Variants in SNX6 observed in about 807,000 individuals in gnomAD.
SNX6 encodes sorting nexin-6.
In SNX6, 34 loss-of-function variants were observed where a neutral mutation model predicts 63.0. The ratio of observed to expected loss-of-function variants is 0.54; its 90% confidence interval spans 0.41 to 0.72. SNX6 has a LOEUF of 0.72. Ranked by LOEUF, SNX6 falls within the 30% of genes least tolerant of loss-of-function variation. SNX6 has a pLI of 0.00. For synonymous variants in SNX6, 170 were observed against 164.2 expected (o/e 1.04, Z -0.27); for missense variants, 398 against 471.4 (o/e 0.84, Z 1.44).
chr14:34,609,805 T>A, intron 2 of SNX6, 63 bp from the exon 3 acceptor site: 1 of 1,158,926 alleles, frequency 8.6e-7, no homozygotes, highest in Non-Finnish European at 1.3e-6. Context: ...TTTTTTCTCT[T>A]AAGACAATGC....
At chr14:34,563,932 T>C (rs1302675328) in intron 13 of SNX6, among the ~76,000 whole-genome samples, 1 of 152,078 alleles carries the variant, frequency 6.6e-6, no homozygotes. Flanking sequence ...AGAGACGGGG[T>C]TTTGCCATGT....
intron 2 of SNX6, among the ~76,000 whole-genome samples, chr14:34,625,711 C>CAACA (rs1211463465): frequency 1.3e-5 from 2 of 151,900 alleles, no homozygotes; most frequent in African/African-American, 4.8e-5. Flanking sequence ...CCAGCGTGGG[C>CAACA]AACAGAGCGA....
intron 2 of SNX6, among the ~76,000 whole-genome samples, chr14:34,612,238 G>T (rs1057404492): frequency 6.6e-6 from 1 of 152,130 alleles, no homozygotes; most frequent in African/African-American, 2.4e-5. Context: ...ACTGAGCCAG[G>T]CCAGGCCACT....
chr14:34,629,408 T>G (rs771743525), intron 2 of SNX6: 1 of 450,132 alleles, frequency 2.2e-6, no homozygotes. Flanking sequence ...TGGACAGGAG[T>G]TGATTCGGCT....
At chr14:34,578,204 AAAAC>A (rs570920447) in intron 10 of SNX6, among the ~76,000 whole-genome samples, 145 of 152,224 alleles carry the variant, frequency 9.5e-4, no homozygotes, top group African/African-American at 3.2e-3. Context: ...ACTCTGTCTC[AAAAC>A]AAACAAACAA....
At chr14:34,623,537 T>C (rs904890469) in intron 2 of SNX6, among the ~76,000 whole-genome samples, 1 of 152,156 alleles carries the variant, frequency 6.6e-6, no homozygotes, top group African/African-American at 2.4e-5. Flanking sequence ...AATTGGAAAG[T>C]AGAAAGACTA....
intron 2 of SNX6, among the ~76,000 whole-genome samples, chr14:34,614,701 T>C (rs1883354726): frequency 6.6e-6 from 1 of 152,150 alleles, no homozygotes. Context: ...GAGGATCGCT[T>C]GAGCCCAGGA....
chr14:34,581,564 T>C lies in SNX6; in HGVS notation c.831A>G (p.Thr277=). The C allele has an allele frequency of 1.4e-6, 2 of 1,454,806 alleles. No individual in the cohort carries two copies. The highest frequency in any genetic ancestry group is 1.9e-6 in the Non-Finnish European group (2 of 1,041,390). 90.1% of individuals were successfully genotyped at this position (1,454,806 alleles called of 1,614,324 possible). A position where few individuals can be genotyped will look rare whatever the true frequency, so the allele number is the denominator to read the frequency against. Residue 277 remains threonine, a synonymous_variant, in exon 10 of 14, where the codon ACA becomes ACG. Coordinates refer to ENST00000362031, the MANE Select transcript of SNX6 (RefSeq NM_152233.4). The part of the protein sequence containing the change: ...FLKVSELFDK[T]RKIEARVSAD... ...ATCTCTATAATTTAGTACTTACTCT[T>C]GTTTTATCGAACAGTTCTGAAACTT...
chr14:34,585,939 CTG>C (rs1418488143), intron 9 of SNX6, among the ~76,000 whole-genome samples: 5 of 148,616 alleles, frequency 3.4e-5, no homozygotes, highest in East Asian at 2.0e-4. Context: ...GAGTCTCACT[CTG>C]TTGCCCAGGC....
At chr14:34,566,039 T>C (rs1162341689) in intron 13 of SNX6, among the ~76,000 whole-genome samples, 1 of 151,442 alleles carries the variant, frequency 6.6e-6, no homozygotes, top group South Asian at 2.1e-4. Flanking sequence ...TGGCTTGCGG[T>C]CTCGAACTCC....
At chr14:34,597,763 G>A (rs1882659962) in intron 6 of SNX6, 118 bp from the exon 7 acceptor site, 1 of 605,772 alleles carries the variant, frequency 1.7e-6, no homozygotes, top group Non-Finnish European at 2.8e-6. Flanking sequence ...TTAATAAAGT[G>A]GAAATTTCAT....
At chr14:34,605,439 A>T (rs1594736433) in intron 5 of SNX6, 157 bp downstream of exon 5, 1 of 518,206 alleles carries the variant, frequency 1.9e-6, no homozygotes, top group East Asian at 3.4e-5. Context: ...TCTGATCATG[A>T]TCATTAATAC....
intron 2 of SNX6, among the ~76,000 whole-genome samples, chr14:34,612,882 T>A (rs1883284258): frequency 6.6e-6 from 1 of 151,620 alleles, no homozygotes; most frequent in South Asian, 2.1e-4. Context: ...AAGCCCTGTC[T>A]CTACTAAAAA....
In SNX6 at chr14:34,629,811, C is replaced by G. The variant is rs961184105; in HGVS notation, c.54+96G>C. On this transcript the variant is annotated intron_variant, in intron 2 of 13. Coordinates refer to ENST00000362031, the MANE Select transcript of SNX6 (RefSeq NM_152233.4). ...AAGGAGGACTACGGGGAGGGAGTGC[C>G]GCGCGGCTGGGGACCCATCCCCGTA... is the stretch of plus-strand genomic sequence containing the variant. The G allele has an allele frequency of 4.9e-5, 74 of 1,516,418 alleles. No individual in the cohort carries two copies. The East Asian group carries it at 1.8e-3, about 36-fold the overall frequency. 93.9% of individuals were successfully genotyped at this position (1,516,418 alleles called of 1,614,324 possible). A position where few individuals can be genotyped will look rare whatever the true frequency, so the allele number is the denominator to read the frequency against.
At chr14:34,590,403 C>T (rs1336428127) in intron 8 of SNX6, among the ~76,000 whole-genome samples, 3 of 150,410 alleles carry the variant, frequency 2.0e-5, no homozygotes, top group Non-Finnish European at 2.9e-5. Context: ...ACTCCAGCAG[C>T]CTGGGCGACA....
chr14:34,568,637 T>TA (rs1881300320), intron 11 of SNX6: 1 of 643,002 alleles, frequency 1.6e-6, no homozygotes, highest in African/African-American at 1.8e-5. Flanking sequence ...TCAGCCTGTT[T>TA]TTTTTTTTTT....
intron 9 of SNX6, among the ~76,000 whole-genome samples, chr14:34,582,416 A>C (rs2138295199): frequency 6.6e-6 from 1 of 152,058 alleles, no homozygotes; most frequent in African/African-American, 2.4e-5. Flanking sequence ...GCTTGAGCCC[A>C]GGCTCGTCTT....
chr14:34,566,771 G>A (rs113619038), intron 13 of SNX6, among the ~76,000 whole-genome samples: 11 of 152,014 alleles, frequency 7.2e-5, no homozygotes, highest in African/African-American at 2.2e-4. Flanking sequence ...AACAACTAAC[G>A]TGAAAAAAGA....
At chr14:34,564,445 C>G (rs1881077682) in intron 13 of SNX6, among the ~76,000 whole-genome samples, 1 of 152,100 alleles carries the variant, frequency 6.6e-6, no homozygotes, top group Admixed American at 6.6e-5. Context: ...CTCTGGGGGG[C>G]AGAATCACCT....
Sources: allele counts gnomAD v4.1 joint callset (sites outside exome capture counted in the v4.1 genomes callset), GRCh38; gene constraint gnomAD v4.1.1; transcripts MANE v1.5; gene names NCBI Gene and HGNC (gene_info 2026-07-23, HGNC 2026-07-21).